The following MTFR1 variants were observed in gnomAD, a reference collection of about 807,000 sequenced individuals.
MTFR1 encodes mitochondrial fission regulator 1.
In MTFR1, 28 loss-of-function variants were observed where a neutral mutation model predicts 38.8. The observed-to-expected ratio is 0.72, with a 90% CI of 0.53 to 0.99. MTFR1 has a LOEUF of 0.99. Ranked by LOEUF, MTFR1 falls within the 50% of genes least tolerant of loss-of-function variation. MTFR1 has a pLI of 0.00. For missense variants in MTFR1, 358 were observed against 395.5 expected (o/e 0.91, Z 0.81); for synonymous variants, 145 against 137.0 (o/e 1.06, Z -0.41).
At chr8:65,646,923 C>T (rs1321817953) in intron 1 of MTFR1, among the ~76,000 whole-genome samples, 2 of 152,186 alleles carry the variant, frequency 1.3e-5, no homozygotes, top group Non-Finnish European at 2.9e-5. Flanking sequence ...ACAGCTGGGC[C>T]TCCTCTACTT....
rs1478308587 is a variant in MTFR1, at chr8:65,663,471, A to G, written c.-80-6402A>G. Among the ~76,000 whole-genome samples the G allele has an allele frequency of 2.0e-4, 30 of 148,660 alleles. 1 individual carries two copies. Among genetic ancestry groups the G allele is most frequent in the Non-Finnish European group, 1.9e-4 (13 of 67,494 alleles). On this transcript the variant is annotated intron_variant, in intron 1 of 7. Transcript: ENST00000262146. ...TTTATCTGCTGACCTTCCCTCCACTATTGTCCTGTGACCCTGCCAAATCCC... is the reference window on the plus strand; with the variant it reads ...TTTATCTGCTGACCTTCCCTCCACTGTTGTCCTGTGACCCTGCCAAATCCC...
chr8:65,730,731 T>C (rs1178074586), intron 3 of MTFR1, among the ~76,000 whole-genome samples: 2 of 151,896 alleles, frequency 1.3e-5, no homozygotes, highest in Non-Finnish European at 2.9e-5. Context: ...AGTTCGAGAC[T>C]AGCCTGGCCA....
chr8:65,740,672 T>C (rs1194526273), intron 3 of MTFR1, among the ~76,000 whole-genome samples: 1 of 152,082 alleles, frequency 6.6e-6, no homozygotes, highest in East Asian at 1.9e-4. Context: ...AGTGCTGGGA[T>C]TTACAGGCGT....
intron 3 of MTFR1, among the ~76,000 whole-genome samples, chr8:65,683,948 CTA>C (rs1804987269): frequency 6.6e-6 from 1 of 152,160 alleles, no homozygotes; most frequent in Admixed American, 6.5e-5. Context: ...CTTCAAATAG[CTA>C]TTATGTTAAC....
At chr8:65,742,824 G>A (rs1807503183) in intron 3 of MTFR1, among the ~76,000 whole-genome samples, 2 of 152,148 alleles carry the variant, frequency 1.3e-5, no homozygotes, top group South Asian at 4.1e-4. Flanking sequence ...AACCATGAGT[G>A]GTTTCTACTA....
chr8:65,721,436 C>T (rs1806372740), intron 3 of MTFR1, among the ~76,000 whole-genome samples: 1 of 152,162 alleles, frequency 6.6e-6, no homozygotes, highest in Admixed American at 6.5e-5. Context: ...AAGCCCAACA[C>T]CAACAGCTGT....
At position 65,735,202 on chromosome 8, in the gene MTFR1, G is replaced by A. The variant is rs181179244; in HGVS notation, c.*48+15721G>A. Among the ~76,000 whole-genome samples the A allele has an allele frequency of 9.6e-4, 146 of 152,262 alleles. 1 individual carries two copies. The highest frequency in any genetic ancestry group is 3.3e-3 in the African/African-American group (139 of 41,556). Reference sequence around the variant, plus strand: ...AAATCCAGTGGTCTCAAAGGAAAGCGAGCCTACCTGTGATGGGGAAACACA... The same window carrying A: ...AAATCCAGTGGTCTCAAAGGAAAGCAAGCCTACCTGTGATGGGGAAACACA... On this transcript the variant is annotated intron_variant, in intron 3 of 3. Coordinates refer to the MTFR1 transcript ENST00000521247.
chr8:65,678,313 TAGTC>T (rs1393331053), intron 2 of MTFR1, among the ~76,000 whole-genome samples: 1 of 152,148 alleles, frequency 6.6e-6, no homozygotes, highest in Admixed American at 6.6e-5. Flanking sequence ...AATAGAAAAG[TAGTC>T]AGACCTAGTT....
chr8:65,688,676 C>G (rs1243086126), intron 3 of MTFR1, among the ~76,000 whole-genome samples: 1 of 150,568 alleles, frequency 6.6e-6, no homozygotes, highest in Non-Finnish European at 1.5e-5. Flanking sequence ...GATCTCCTGA[C>G]CTCGTGATCC....
At chr8:65,716,936 T>C (rs976564413) in intron 2 of MTFR1, among the ~76,000 whole-genome samples, 17 of 152,186 alleles carry the variant, frequency 1.1e-4, no homozygotes, top group Non-Finnish European at 2.2e-4. Context: ...TAGCCACATG[T>C]GGATATTGGG....
chr8:65,714,806 A>G (rs1347794492), downstream of MTFR1: 1 of 152,232 alleles, frequency 6.6e-6, no homozygotes, highest in Non-Finnish European at 1.5e-5. Flanking sequence ...TTTGGAAAAA[A>G]AGATCATTTT....
chr8:65,654,470 T>G (rs188833146), intron 1 of MTFR1, among the ~76,000 whole-genome samples: 1 of 152,324 alleles, frequency 6.6e-6, no homozygotes, highest in East Asian at 1.9e-4. Context: ...GGATTTTCTC[T>G]TTCACAGTAA....
At chr8:65,727,204 A>G (rs923789219) in intron 3 of MTFR1, 8 of 1,612,826 alleles carry the variant, frequency 5.0e-6, no homozygotes, top group Non-Finnish European at 6.8e-6. Flanking sequence ...GTTAGTTTTA[A>G]TAAGGAAAGG....
chr8:65,710,990 T>TAGAG (rs58516082), downstream of MTFR1, among the ~76,000 whole-genome samples: 52 of 150,854 alleles, frequency 3.4e-4, no homozygotes, highest in African/African-American at 1.0e-3. Context: ...TATATATATA[T>TAGAG]AGAGAGAGAG....
At chr8:65,721,072 T>A (rs1806357115) in intron 3 of MTFR1, among the ~76,000 whole-genome samples, 1 of 152,158 alleles carries the variant, frequency 6.6e-6, no homozygotes, top group Non-Finnish European at 1.5e-5. Context: ...AGGTTTTAAA[T>A]ACCTGATAAA....
downstream of MTFR1, among the ~76,000 whole-genome samples, chr8:65,713,436 TCAAA>T (rs1563462207): frequency 2.3e-5 from 2 of 88,878 alleles, no homozygotes; most frequent in Non-Finnish European, 4.2e-5. Context: ...GACTCCCATC[TCAAA>T]CACACACACA....
intron 2 of MTFR1, chr8:65,719,231 A>G: frequency 8.7e-7 from 1 of 1,144,040 alleles, no homozygotes; most frequent in East Asian, 2.3e-5. Flanking sequence ...TCACCTCAAG[A>G]CCCCATTTCA....
In MTFR1 at chr8:65,704,677, TTA is replaced by T; in HGVS notation, c.282-15_282-14del. ...CTTACAAAGCCTGTGACAGCCCACC[TTA>T]TGTCTTCCTTGCAGGACAGAGGTCA... On this transcript the variant is annotated splice_polypyrimidine_tract_variant and intron_variant, in intron 4 of 7. Coordinates refer to ENST00000262146, the MANE Select transcript of MTFR1 (RefSeq NM_014637.4). 1 of 1,610,696 alleles carries T rather than the reference TTA, an allele frequency of 6.2e-7. No homozygotes were observed. The highest frequency in any genetic ancestry group is 1.1e-5 in the South Asian group (1 of 90,984).
At chr8:65,753,626 G>C (rs1347486504) in intron 3 of MTFR1, among the ~76,000 whole-genome samples, 2 of 151,952 alleles carry the variant, frequency 1.3e-5, no homozygotes, top group Non-Finnish European at 2.9e-5. Context: ...TGAGTACTCT[G>C]TGTCTGTTAC....
Sources: allele counts gnomAD v4.1 joint callset (sites outside exome capture counted in the v4.1 genomes callset), GRCh38; gene constraint gnomAD v4.1.1; transcripts MANE v1.5; gene names NCBI Gene and HGNC (gene_info 2026-07-23, HGNC 2026-07-21).